DOCK3: variants seen among roughly 807,000 people sequenced by gnomAD.
The protein encoded by DOCK3 is dedicator of cytokinesis 3.
In DOCK3, 60 loss-of-function variants were observed where a neutral mutation model predicts 265.6. The ratio of observed to expected loss-of-function variants is 0.23; its 90% CI spans 0.18 to 0.28. The LOEUF (loss-of-function observed/expected upper bound fraction) is 0.28, where lower values mean the gene tolerates loss of function less well. Among genes scored for constraint, DOCK3 ranks in the 10% least tolerant of loss-of-function variants. The pLI, the probability that DOCK3 is intolerant of heterozygous loss-of-function variation, is 1.00. For missense variants in DOCK3, 1,981 were observed against 2,594.3 expected (o/e 0.76, Z 5.14); for synonymous variants, 881 against 938.0 (o/e 0.94, Z 1.11).
chr3:51,112,667 A>G (rs189835105), intron 9 of DOCK3, among the ~76,000 whole-genome samples: 1 of 152,368 alleles, frequency 6.6e-6, no homozygotes, highest in East Asian at 1.9e-4. Flanking sequence ...AGGTATGTGA[A>G]GTGGGAGGGG....
intron 1 of DOCK3, among the ~76,000 whole-genome samples, chr3:50,700,780 T>G (rs1023659069): frequency 1.3e-5 from 2 of 152,212 alleles, no homozygotes; most frequent in Non-Finnish European, 2.9e-5. Flanking sequence ...CTGATTTCCT[T>G]TCTTTTGGAT....
chr3:51,278,789 A>G (rs17051685), intron 26 of DOCK3, among the ~76,000 whole-genome samples: 3,092 of 152,244 alleles, frequency 0.02, 106 homozygotes, highest in African/African-American at 0.07. Flanking sequence ...GAGGATGATA[A>G]TAACTATAAT....
chr3:50,977,442 T>C (rs1480765780), intron 5 of DOCK3, among the ~76,000 whole-genome samples: 1 of 152,188 alleles, frequency 6.6e-6, no homozygotes, highest in Non-Finnish European at 1.5e-5. Context: ...GGTTGAAAAT[T>C]CTTTTCTTTA....
chr3:51,074,877 A>G (rs1425955221), intron 6 of DOCK3, among the ~76,000 whole-genome samples: 1 of 152,222 alleles, frequency 6.6e-6, no homozygotes, highest in Non-Finnish European at 1.5e-5. Context: ...AAATAAATGA[A>G]TAAAGAGAAA....
In DOCK3 at chr3:50,716,587, AT is replaced by A. The variant is rs35490586; in HGVS notation, c.37+41297del. On this transcript the variant is annotated intron_variant, in intron 1 of 52. Coordinates refer to ENST00000266037, the MANE Select transcript of DOCK3 (RefSeq NM_004947.5). Reference sequence around the variant, plus strand: ...TAAAAAAAATTATATATATATATTTATTTTTTTTTTGGTGTAGTAATTTTCG... The same window carrying A: ...TAAAAAAAATTATATATATATATTTATTTTTTTTTGGTGTAGTAATTTTCG... 1.6e-3 allele frequency among the ~76,000 whole-genome samples: 238 copies of A among 147,344 alleles called. 3 individuals are homozygous for A. Among genetic ancestry groups the A allele is most frequent in the South Asian group, 4.7e-3 (22 of 4,658 alleles).
chr3:51,293,933 A>G (rs1213499991), intron 27 of DOCK3, among the ~76,000 whole-genome samples: 3 of 152,246 alleles, frequency 2.0e-5, no homozygotes, highest in African/African-American at 4.8e-5. Flanking sequence ...AGCTATAATC[A>G]AAAAGATGAA....
At chr3:50,678,416 G>T (rs4513447) in intron 1 of DOCK3, among the ~76,000 whole-genome samples, 1 of 152,246 alleles carries the variant, frequency 6.6e-6, no homozygotes, top group South Asian at 2.1e-4. Flanking sequence ...TGTACCCAGA[G>T]TACCAAATAT....
intron 27 of DOCK3, among the ~76,000 whole-genome samples, chr3:51,292,233 T>C (rs1288265528): frequency 6.6e-6 from 1 of 152,158 alleles, no homozygotes; most frequent in Non-Finnish European, 1.5e-5. Flanking sequence ...TACTAAGTAC[T>C]TCTGTAATAA....
chr3:51,105,572 G>T (rs939720227), intron 9 of DOCK3, among the ~76,000 whole-genome samples: 1 of 152,114 alleles, frequency 6.6e-6, no homozygotes, highest in Non-Finnish European at 1.5e-5. Flanking sequence ...ATATATAATG[G>T]AATACTACTT....
intron 21 of DOCK3, among the ~76,000 whole-genome samples, chr3:51,240,073 T>G (rs1019328675): frequency 2.0e-5 from 3 of 152,198 alleles, no homozygotes; most frequent in African/African-American, 7.2e-5. Context: ...CTTTTTGATT[T>G]GGGCATTCAG....
intron 5 of DOCK3, among the ~76,000 whole-genome samples, chr3:50,981,302 A>G (rs2077679949): frequency 6.6e-6 from 1 of 152,240 alleles, no homozygotes; most frequent in South Asian, 2.1e-4. Context: ...GTGACAGATC[A>G]CAGTATATCC....
intron 49 of DOCK3, among the ~76,000 whole-genome samples, chr3:51,365,396 TG>T (rs2087069192): frequency 6.6e-6 from 1 of 152,216 alleles, no homozygotes. Context: ...GCTGAGACAG[TG>T]GGGTTTTCTA....
At chr3:51,147,260 T>A (rs2085340784) in intron 10 of DOCK3, among the ~76,000 whole-genome samples, 1 of 152,234 alleles carries the variant, frequency 6.6e-6, no homozygotes, top group Non-Finnish European at 1.5e-5. Context: ...TGTAGTTTGT[T>A]AGTGAGTTCA....
At chr3:51,330,056 A>G (rs1376128569) in intron 32 of DOCK3, 82 bp from the exon 33 acceptor site, 11 of 1,376,094 alleles carry the variant, frequency 8.0e-6, no homozygotes, top group Non-Finnish European at 1.1e-5. Context: ...GTTTCCCACC[A>G]TCCTCACCCA....
At chr3:51,330,012 G>C (rs770670261) in intron 32 of DOCK3, 126 bp from the exon 33 acceptor site, 7 of 922,588 alleles carry the variant, frequency 7.6e-6, no homozygotes, top group East Asian at 5.4e-5. Flanking sequence ...CCTTCCCTGG[G>C]ATTTCTTTGG....
intron 12 of DOCK3, among the ~76,000 whole-genome samples, chr3:51,185,665 T>C (rs1445048629): frequency 2.0e-5 from 3 of 152,064 alleles, no homozygotes; most frequent in East Asian, 3.8e-4. Context: ...ATAATTCCCA[T>C]GTGTTGTGGG....
At chr3:50,727,120 T>G (rs940960301) in intron 1 of DOCK3, among the ~76,000 whole-genome samples, 4 of 152,274 alleles carry the variant, frequency 2.6e-5, no homozygotes, top group Non-Finnish European at 4.4e-5. Context: ...ATATCAAGAT[T>G]GTAGACTTAG....
intron 27 of DOCK3, among the ~76,000 whole-genome samples, chr3:51,293,116 A>G (rs1274166193): frequency 6.6e-6 from 1 of 152,178 alleles, no homozygotes. Context: ...ACAGAAATAG[A>G]AAAAAACAAT....
chr3:50,706,269 T>G (rs1488406808), intron 1 of DOCK3, among the ~76,000 whole-genome samples: 1 of 152,194 alleles, frequency 6.6e-6, no homozygotes, highest in Non-Finnish European at 1.5e-5. Flanking sequence ...CCTTATGCAT[T>G]TCTTTAGGGC....
Sources: gnomAD v4.1 joint callset for allele counts (sites outside exome capture counted in the v4.1 genomes callset) on GRCh38, gnomAD v4.1.1 for gene constraint, MANE v1.5 for transcripts, NCBI Gene and HGNC (gene_info 2026-07-23, HGNC 2026-07-21) for gene names.